Variants in ZUP1 observed in about 807,000 individuals in gnomAD.
ZUP1 encodes the protein zinc finger-containing ubiquitin peptidase 1.
In ZUP1, 55 loss-of-function variants were observed where a neutral mutation model predicts 68.1. The ratio of observed to expected loss-of-function variants is 0.81; its 90% CI spans 0.65 to 1.01. The LOEUF (loss-of-function observed/expected upper bound fraction) is 1.01. Among genes scored for constraint, ZUP1 ranks in the 50% least tolerant of loss-of-function variants. The pLI is 0.00. For synonymous variants in ZUP1, 223 were observed against 221.5 expected (o/e 1.01, Z -0.06); for missense variants, 684 against 674.9 (o/e 1.01, Z -0.15).
intron 4 of ZUP1, among the ~76,000 whole-genome samples, chr6:116,657,373 T>C (rs752319274): frequency 2.6e-5 from 4 of 152,206 alleles, no homozygotes; most frequent in Non-Finnish European, 5.9e-5. Context: ...CGGAAACTTT[T>C]CTACAGAAAA....
At chr6:116,638,847 G>A (rs1051791197) in intron 9 of ZUP1, among the ~76,000 whole-genome samples, 2 of 152,154 alleles carry the variant, frequency 1.3e-5, no homozygotes, top group African/African-American at 4.8e-5. Flanking sequence ...AGGACAGTGG[G>A]TGCAGCGCAC....
chr6:116,648,200 T>C (rs1168891418), intron 7 of ZUP1, among the ~76,000 whole-genome samples: 1 of 152,252 alleles, frequency 6.6e-6, no homozygotes, highest in East Asian at 1.9e-4. Flanking sequence ...ACCGTGGTAT[T>C]CTTCCTTCAA....
At chr6:116,644,281 T>C (rs893101293) in intron 9 of ZUP1, among the ~76,000 whole-genome samples, 6 of 152,168 alleles carry the variant, frequency 3.9e-5, no homozygotes, top group African/African-American at 9.7e-5. Context: ...GTCAGTGTGG[T>C]GATTCCTCAG....
Position 116,647,578 on chromosome 6 carries a change from C to T in ZUP1, c.1349G>A (p.Gly450Asp), listed in dbSNP as rs1029940652. The change falls in exon 8 of 10, where the codon GGT becomes GAT. Residue 450 changes from glycine to aspartate, a missense_variant. Coordinates refer to ENST00000368576, the MANE Select transcript of ZUP1 (RefSeq NM_145062.3). ...TAAGCGAGGGTGTGTACCCAAAGGA[C>T]CAGTTGATTTGTGAAAATCAACAAT... ...CHIVDFHKSTGPLGTHPRLFE... is the reference protein window; with the variant it reads ...CHIVDFHKSTDPLGTHPRLFE... 2.5e-6 allele frequency: 4 copies of T among 1,582,054 alleles called. No homozygotes were observed.
At chr6:116,641,281 G>A (rs905016088) in intron 9 of ZUP1, among the ~76,000 whole-genome samples, 13 of 152,168 alleles carry the variant, frequency 8.5e-5, no homozygotes, top group African/African-American at 1.9e-4. Flanking sequence ...ACAGATCAAC[G>A]AGACAGGAAG....
rs976997723 is a variant in ZUP1 at position 116,647,543 on chromosome 6, T to C, written c.1384A>G (p.Ile462Val). The stretch of plus-strand genomic sequence containing the variant: ...CCCTCTGAAGAATAATAGTTCAATA[T>C]CCATTCAAATAAGCGAGGGTGTGTA... ...LGTHPRLFEW[I>V]LNYYSSEGEG... Residue 462 changes from isoleucine to valine, a missense_variant, in exon 8 of 10, where the codon ATA becomes GTA. By Grantham distance (29) the Ile-to-Val change is conservative. Coordinates refer to ENST00000368576, the MANE Select transcript of ZUP1 (RefSeq NM_145062.3). 9.4e-6 allele frequency: 15 copies of C among 1,602,346 alleles called. No homozygotes were observed. Among genetic ancestry groups the C allele is most frequent in the Non-Finnish European group, 1.3e-5 (15 of 1,171,932 alleles).
At chr6:116,654,082 A>C (rs922407810) in intron 5 of ZUP1, among the ~76,000 whole-genome samples, 5 of 151,962 alleles carry the variant, frequency 3.3e-5, no homozygotes, top group Non-Finnish European at 7.4e-5. Context: ...TCTGCCACTA[A>C]ATCACTTCTA....
intron 2 of ZUP1, 34 bp from the exon 3 acceptor site, chr6:116,660,880 TTTTTA>T: frequency 7.9e-7 from 1 of 1,266,654 alleles, no homozygotes; most frequent in Non-Finnish European, 1.1e-6. Context: ...TGTTTTTATT[TTTTTA>T]TTTTAATTTT....
chr6:116,648,170 C>A (rs1296035826), intron 7 of ZUP1, among the ~76,000 whole-genome samples: 1 of 152,114 alleles, frequency 6.6e-6, no homozygotes, highest in African/African-American at 2.4e-5. Context: ...ATACATCTAT[C>A]TCCTATTTGC....
At position 116,667,099 on chromosome 6, in the gene ZUP1, G is replaced by T; in HGVS notation, c.94C>A (p.Pro32Thr). 1.2e-6 allele frequency: 2 copies of T among 1,613,524 alleles called. No homozygotes were observed. Among genetic ancestry groups the T allele is most frequent in the Non-Finnish European group, 1.7e-6 (2 of 1,179,754 alleles). ...TTCACACCTGACAACTTGCAAAATG[G>T]ACATATAATTTCACTTTCCATGTGA... is the stretch of plus-strand genomic sequence containing the variant. Reference protein sequence around the residue: ...IVHMESEIICPFCKLSGVNYD... With the variant: ...IVHMESEIICTFCKLSGVNYD... The change falls in exon 2 of 10, where the codon CCA becomes ACA. Residue 32 changes from proline to threonine, a missense_variant. Coordinates refer to ENST00000368576, the MANE Select transcript of ZUP1 (RefSeq NM_145062.3).
chr6:116,653,519 T>C (rs1024611995), intron 5 of ZUP1, among the ~76,000 whole-genome samples: 14 of 152,170 alleles, frequency 9.2e-5, no homozygotes, highest in Admixed American at 7.9e-4. Flanking sequence ...CCAATAGTTG[T>C]AGCTGTGCCT....
intron 2 of ZUP1, among the ~76,000 whole-genome samples, chr6:116,665,575 T>C (rs530271446): frequency 1.9e-3 from 278 of 148,176 alleles, no homozygotes; most frequent in African/African-American, 6.5e-3. Flanking sequence ...TTTTCTTTTT[T>C]TTTTTTTTTT....
Position 116,645,921 on chromosome 6 carries a change from A to G in ZUP1, c.1482T>C (p.Thr494=), listed in dbSNP as rs1291071140. The change falls in exon 9 of 10, where the codon ACT becomes ACC. Residue 494 remains threonine, a synonymous_variant. Coordinates refer to ENST00000368576, the MANE Select transcript of ZUP1 (RefSeq NM_145062.3). ...IYLQHQGHSR[T]VIGIEEKKNR... ...TTTTTTTCTCTTCAATTCCAATAAC[A>G]GTTCGACTGTGACCTATCAAAAGAT... is the stretch of plus-strand genomic sequence containing the variant. The G allele has an allele frequency of 6.2e-7, 1 of 1,612,384 alleles. No individual in the cohort carries two copies. The highest frequency in any genetic ancestry group is 1.7e-5 in the Admixed American group (1 of 59,784).
At chr6:116,646,481 C>T (rs180984047) in intron 8 of ZUP1, among the ~76,000 whole-genome samples, 25 of 152,236 alleles carry the variant, frequency 1.6e-4, no homozygotes, top group African/African-American at 5.3e-4. Flanking sequence ...AACAGACAAA[C>T]GTGCCTGTGT....
At chr6:116,651,373 G>T (rs980856486) in intron 7 of ZUP1, among the ~76,000 whole-genome samples, 199 bp downstream of exon 7, 3 of 152,166 alleles carry the variant, frequency 2.0e-5, no homozygotes, top group Non-Finnish European at 4.4e-5. Flanking sequence ...AACAATGGAA[G>T]TGACAGTTGC....
intron 8 of ZUP1, 50 bp downstream of exon 8, chr6:116,647,407 ATT>A (rs1455629415): frequency 2.1e-6 from 3 of 1,400,310 alleles, no homozygotes; most frequent in Non-Finnish European, 2.8e-6. Flanking sequence ...GAAAGCAACA[ATT>A]TGTTATCTTA....
chr6:116,642,688 A>C (rs920967008), intron 9 of ZUP1, among the ~76,000 whole-genome samples: 12 of 152,214 alleles, frequency 7.9e-5, no homozygotes, highest in East Asian at 3.9e-4. Flanking sequence ...GACGTATCTC[A>C]AAATAATAAG....
At chr6:116,641,981 C>A (rs1776117602) in intron 9 of ZUP1, among the ~76,000 whole-genome samples, 1 of 151,916 alleles carries the variant, frequency 6.6e-6, no homozygotes, top group South Asian at 2.1e-4. Flanking sequence ...CAAACAGACG[C>A]AATAAAAAAT....
At chr6:116,643,009 G>A (rs9481652) in intron 9 of ZUP1, among the ~76,000 whole-genome samples, 12,216 of 152,108 alleles carry the variant, frequency 0.08, 709 homozygotes, top group Admixed American at 0.16. Flanking sequence ...CAAAATCAAC[G>A]TACAAAAATC....
Sources: allele counts gnomAD v4.1 joint callset (sites outside exome capture counted in the v4.1 genomes callset), GRCh38; gene constraint gnomAD v4.1.1; transcripts MANE v1.5; gene names NCBI Gene and HGNC (gene_info 2026-07-23, HGNC 2026-07-21).